Variants in ING5 observed in about 807,000 individuals in gnomAD.
The protein encoded by ING5 is inhibitor of growth family member 5.
ING5 carries 17 observed loss-of-function variants against 37.4 expected under a neutral mutation model. That is an observed-to-expected ratio of 0.45 (90% confidence interval 0.31 to 0.68). The LOEUF is 0.68. Ranked by LOEUF, ING5 falls within the 30% of genes least tolerant of loss-of-function variation. The pLI, the probability that ING5 is intolerant of heterozygous loss-of-function variation, is 0.05. For missense variants in ING5, 233 were observed against 311.9 expected, an observed-to-expected ratio of 0.75 and a Z score of 1.91; for synonymous variants, 123 against 116.6, an observed-to-expected ratio of 1.06 and a Z score of -0.36.
At chr2:241,717,468 G>A (rs913299076) in intron 5 of ING5, among the ~76,000 whole-genome samples, 1 of 152,030 alleles carries the variant, frequency 6.6e-6, no homozygotes, top group Non-Finnish European at 1.5e-5. Context: ...GCAAATTTCT[G>A]TCTTGTCATT....
chr2:241,720,223 C>T, intron 5 of ING5: 1 of 1,231,662 alleles, frequency 8.1e-7, no homozygotes, highest in Non-Finnish European at 1.0e-6. Context: ...AGCCCGCCTG[C>T]CCCTGGGCTC....
upstream of ING5, chr2:241,701,969 C>T (rs2069738407): frequency 2.4e-6 from 2 of 835,824 alleles, no homozygotes; most frequent in South Asian, 3.9e-5. Context: ...AATCAGCGCG[C>T]GCGACTCATG....
intron 5 of ING5, among the ~76,000 whole-genome samples, chr2:241,719,112 G>A (rs974310462): frequency 2.0e-5 from 3 of 152,278 alleles, no homozygotes; most frequent in Non-Finnish European, 4.4e-5. Flanking sequence ...TTCCTCTCTC[G>A]CCTCCTGCCC....
At chr2:241,705,369 C>G (rs1294769465) in intron 2 of ING5, among the ~76,000 whole-genome samples, 1 of 151,100 alleles carries the variant, frequency 6.6e-6, no homozygotes, top group African/African-American at 2.4e-5. Context: ...TGAGCCACCT[C>G]GCCTGGCCCT....
intron 2 of ING5, 34 bp downstream of exon 2, chr2:241,704,758 A>G (rs4675889): frequency 0.13 from 210,330 of 1,570,842 alleles, 17,254 homozygotes; most frequent in East Asian, 0.38. Context: ...ACCAGAACTG[A>G]GTTCTGACAG....
intron 7 of ING5, chr2:241,723,835 C>T (rs1691496196): frequency 6.3e-7 from 1 of 1,574,882 alleles, no homozygotes; most frequent in African/African-American, 1.3e-5. Context: ...CATCGGGAGA[C>T]CCCAACTCTA....
intron 5 of ING5, among the ~76,000 whole-genome samples, chr2:241,717,572 T>G (rs2070309079): frequency 1.3e-5 from 2 of 152,022 alleles, no homozygotes; most frequent in Non-Finnish European, 2.9e-5. Flanking sequence ...ATGCTTTTAT[T>G]TCACTGCGTA....
chr2:241,724,810 C>A, intron 7 of ING5, 179 bp from the exon 8 acceptor site: 2 of 617,272 alleles, frequency 3.2e-6, no homozygotes, highest in Non-Finnish European at 5.7e-6. Flanking sequence ...CTGCATAGAG[C>A]CGCACGTGCA....
exon 1 of ING5, chr2:241,687,514 C>T (rs1391688082): frequency 5.2e-6 from 2 of 383,188 alleles, no homozygotes; most frequent in Non-Finnish European, 9.1e-6. Flanking sequence ...CTGGAAAGTC[C>T]GTGTGTGTGT....
At chr2:241,702,463 G>T (rs1457591377) in intron 1 of ING5, among the ~76,000 whole-genome samples, 1 of 151,994 alleles carries the variant, frequency 6.6e-6, no homozygotes, top group Non-Finnish European at 1.5e-5. Context: ...GCCCCGCCAG[G>T]TCCCGCCCGT....
intron 4 of ING5, 124 bp downstream of exon 4, chr2:241,711,612 T>C: frequency 1.3e-6 from 1 of 745,868 alleles, no homozygotes. Flanking sequence ...GTAAACCTTG[T>C]CTTGCAGGCT....
In ING5 at chr2:241,702,061, C is replaced by T; in HGVS notation, c.-5C>T. ...CGCAGACCCCGAGCGCGGCCGCGGACGAAGATGGCGACCGCCATGTACTTG... is the reference window on the plus strand; with the variant it reads ...CGCAGACCCCGAGCGCGGCCGCGGATGAAGATGGCGACCGCCATGTACTTG... On this transcript the variant is annotated 5_prime_UTR_variant, in exon 1 of 8. In the 5' UTR this introduces an upstream ATG that the reference lacks. Transcript: ENST00000313552. The T allele has an allele frequency of 1.4e-6, 2 of 1,387,684 alleles. No individual in the cohort carries two copies. The highest frequency in any genetic ancestry group is 9.4e-7 in the Non-Finnish European group (1 of 1,065,922). The allele number at this position is 1,387,684 out of a possible 1,614,324, so 86.0% of individuals were successfully genotyped here.
intron 5 of ING5, chr2:241,720,044 C>T: frequency 2.4e-6 from 3 of 1,241,396 alleles, no homozygotes; most frequent in African/African-American, 1.5e-5. Context: ...TGAAGCTGGG[C>T]TCTGACGTCC....
chr2:241,687,947 C>G (rs1397281924), exon 1 of ING5: 1 of 152,212 alleles, frequency 6.6e-6, no homozygotes, highest in Non-Finnish European at 1.5e-5. Context: ...ATAGGAAAAA[C>G]TGTCTCTGCC....
intron 5 of ING5, 95 bp downstream of exon 5, chr2:241,712,166 T>C: frequency 1.0e-6 from 1 of 984,570 alleles, no homozygotes; most frequent in Non-Finnish European, 1.5e-6. Context: ...CCGAGTGAAG[T>C]GCACCCCGTG....
At chr2:241,703,934 A>G (rs1470924822) in intron 1 of ING5, among the ~76,000 whole-genome samples, 1 of 152,126 alleles carries the variant, frequency 6.6e-6, no homozygotes, top group African/African-American at 2.4e-5. Flanking sequence ...ATCCTTGCAT[A>G]AAGTCGCGTG....
intron 2 of ING5, among the ~76,000 whole-genome samples, chr2:241,707,990 T>C (rs547464814): frequency 1.3e-5 from 2 of 152,234 alleles, no homozygotes; most frequent in Admixed American, 6.5e-5. Flanking sequence ...CTCTGCCTCC[T>C]GGGTGCAAGT....
At chr2:241,689,427 C>T (rs559463072) in intron 1 of ING5, among the ~76,000 whole-genome samples, 5 of 152,284 alleles carry the variant, frequency 3.3e-5, no homozygotes, top group East Asian at 1.9e-4. Context: ...TCTTCCTTTA[C>T]GTCAAGCTTA....
At chr2:241,718,335 CCCT>C in intron 5 of ING5, among the ~76,000 whole-genome samples, 1 of 149,048 alleles carries the variant, frequency 6.7e-6, no homozygotes, top group Non-Finnish European at 1.5e-5. Context: ...CTCCCTCCCT[CCCT>C]CACTTCCTTC....
Sources: gnomAD v4.1 joint callset for allele counts (sites outside exome capture counted in the v4.1 genomes callset) on GRCh38, gnomAD v4.1.1 for gene constraint, MANE v1.5 for transcripts, NCBI Gene and HGNC (gene_info 2026-07-23, HGNC 2026-07-21) for gene names.